Variants in ERBB4 observed in about 807,000 individuals in gnomAD.
ERBB4 encodes receptor tyrosine-protein kinase erbB-4.
A neutral mutation model predicts 158.0 loss-of-function variants in ERBB4; 42 were observed. The observed-to-expected ratio is 0.27, with a 90% CI of 0.21 to 0.34. The LOEUF (loss-of-function observed/expected upper bound fraction) is 0.34, where lower values mean the gene tolerates loss of function less well. Ranked by LOEUF, ERBB4 falls within the 10% of genes least tolerant of loss-of-function variation. The pLI, the probability that ERBB4 is intolerant of heterozygous loss-of-function variation, is 1.00. For missense variants in ERBB4, 1,333 were observed against 1,624.1 expected (o/e 0.82, Z 3.08); for synonymous variants, 583 against 558.7 (o/e 1.04, Z -0.61).
At chr2:212,376,929 A>G (rs1359515089) in intron 1 of ERBB4, among the ~76,000 whole-genome samples, 2 of 151,950 alleles carry the variant, frequency 1.3e-5, no homozygotes, top group Non-Finnish European at 1.5e-5. Context: ...ATTTTATTTC[A>G]TCTGTCTTTA....
chr2:212,378,331 G>C (rs904864928), intron 1 of ERBB4, among the ~76,000 whole-genome samples: 5 of 151,794 alleles, frequency 3.3e-5, no homozygotes, highest in African/African-American at 1.2e-4. Context: ...AATGTTCTTT[G>C]TCCAAGTTGA....
chr2:211,595,195 G>T (rs566815888), intron 19 of ERBB4, among the ~76,000 whole-genome samples: 1 of 152,272 alleles, frequency 6.6e-6, no homozygotes, highest in South Asian at 2.1e-4. Context: ...ATCTTAAAAC[G>T]ATAGGCATTA....
At chr2:212,151,036 A>G (rs2080850824) in intron 1 of ERBB4, among the ~76,000 whole-genome samples, 1 of 152,102 alleles carries the variant, frequency 6.6e-6, no homozygotes, top group Non-Finnish European at 1.5e-5. Flanking sequence ...AATCAAGTCT[A>G]TGTTAAATAC....
chr2:212,130,637 TA>T lies in ERBB4; in HGVS notation c.83-5735del, dbSNP rs775523450. ...CTTACAAAGAAAAGATGATGGGAAT[TA>T]AAAAAAGAGAATTACCTAACTCTCA... On this transcript the variant is annotated intron_variant, in intron 1 of 27. Coordinates refer to ENST00000342788, the MANE Select transcript of ERBB4 (RefSeq NM_005235.3). Among the ~76,000 whole-genome samples, 11 of 152,120 alleles carry T rather than the reference TA, an allele frequency of 7.2e-5. No homozygotes were observed. The East Asian group carries it at 1.9e-3, about 27-fold the overall frequency.
intron 1 of ERBB4, among the ~76,000 whole-genome samples, chr2:212,368,495 G>C (rs1424463236): frequency 6.6e-6 from 1 of 151,878 alleles, no homozygotes; most frequent in Non-Finnish European, 1.5e-5. Context: ...TTGGGTGATG[G>C]GTGCAACGAA....
chr2:211,841,449 T>C (rs1429674626), intron 3 of ERBB4, among the ~76,000 whole-genome samples: 1 of 152,096 alleles, frequency 6.6e-6, no homozygotes, highest in African/African-American at 2.4e-5. Flanking sequence ...AGCAAAATGA[T>C]ACCATGACAC....
intron 4 of ERBB4, among the ~76,000 whole-genome samples, chr2:211,753,742 T>C (rs1185791308): frequency 6.8e-6 from 1 of 147,830 alleles, no homozygotes; most frequent in Non-Finnish European, 1.5e-5. Context: ...TGTTTATATA[T>C]ATATATTTAA....
At position 211,919,656 on chromosome 2, in the gene ERBB4, T is replaced by C. The variant is rs547154959; in HGVS notation, c.421+27774A>G. Among the ~76,000 whole-genome samples, 30 of 152,130 alleles carry C rather than the reference T, an allele frequency of 2.0e-4. No homozygotes were observed. The East Asian group carries it at 5.8e-3, about 29-fold the overall frequency. On this transcript the variant is annotated intron_variant, in intron 3 of 27. Transcript: ENST00000342788. Reference sequence around the variant, plus strand: ...CAGGCAGGATTAGCACATTTTTATATTTGTAACCCAAAACATTTAGTTTTT... The same window carrying C: ...CAGGCAGGATTAGCACATTTTTATACTTGTAACCCAAAACATTTAGTTTTT...
In ERBB4 at chr2:212,431,249, T is replaced by C. The variant is rs187543222; in HGVS notation, c.82+107200A>G. On this transcript the variant is annotated intron_variant, in intron 1 of 27. Transcript: ENST00000342788. ...ATTCTCATCTAAACAGCTCCTTTCA[T>C]GGTCTTCTTCATCTCATCTCAGTTG... is the stretch of plus-strand genomic sequence containing the variant. Among the ~76,000 whole-genome samples the C allele has an allele frequency of 1.4e-4, 21 of 147,578 alleles. No individual in the cohort carries two copies. The Admixed American group carries it at 1.4e-3, about 10-fold the overall frequency.
chr2:211,996,449 ATAAGAAGTTACC>A (rs1238285941), intron 2 of ERBB4, among the ~76,000 whole-genome samples: 2 of 152,162 alleles, frequency 1.3e-5, no homozygotes, highest in African/African-American at 4.8e-5. Flanking sequence ...AGTATTTATA[ATAAGAAGTTACC>A]TTTTTTGCTG....
intron 1 of ERBB4, among the ~76,000 whole-genome samples, chr2:212,309,137 T>C (rs2086924139): frequency 6.6e-6 from 1 of 150,870 alleles, no homozygotes; most frequent in Non-Finnish European, 1.5e-5. Context: ...ACAATGACAG[T>C]TTATGAAGAA....
At chr2:212,528,205 G>T (rs1409950916) in intron 1 of ERBB4, among the ~76,000 whole-genome samples, 2 of 152,036 alleles carry the variant, frequency 1.3e-5, no homozygotes, top group African/African-American at 4.8e-5. Context: ...CTAAGATCTG[G>T]CATGCTAAGC....
intron 1 of ERBB4, among the ~76,000 whole-genome samples, chr2:212,513,598 G>C (rs960893791): frequency 2.6e-5 from 4 of 152,132 alleles, no homozygotes; most frequent in African/African-American, 9.7e-5. Flanking sequence ...GGATCAAGAG[G>C]TCAGGAGATC....
intron 2 of ERBB4, among the ~76,000 whole-genome samples, chr2:212,060,896 G>A (rs991021800): frequency 1.9e-4 from 29 of 150,210 alleles, no homozygotes; most frequent in African/African-American, 6.6e-4. Flanking sequence ...CCAACATGGC[G>A]CCTGTATACA....
At chr2:211,489,582 A>G (rs909678481) in intron 20 of ERBB4, among the ~76,000 whole-genome samples, 4 of 152,030 alleles carry the variant, frequency 2.6e-5, no homozygotes, top group African/African-American at 9.7e-5. Context: ...CAAGCAATTT[A>G]TCATTATATA....
chr2:211,997,875 A>G (rs2082236570), intron 2 of ERBB4, among the ~76,000 whole-genome samples: 1 of 141,682 alleles, frequency 7.1e-6, no homozygotes, highest in African/African-American at 2.6e-5. Flanking sequence ...CATATAGCCT[A>G]TCAATCATGA....
At chr2:211,859,191 CTTAG>C (rs1378649615) in intron 3 of ERBB4, among the ~76,000 whole-genome samples, 3 of 152,174 alleles carry the variant, frequency 2.0e-5, no homozygotes, top group Non-Finnish European at 4.4e-5. Context: ...TGTAAATGAA[CTTAG>C]TTATTCAGCA....
rs138628603 is a variant in ERBB4 at position 212,202,975 on chromosome 2, T to A, written c.83-78072A>T. 8.0e-3 allele frequency among the ~76,000 whole-genome samples: 1,214 copies of A among 151,706 alleles called. 12 individuals carry two copies. The highest frequency in any genetic ancestry group is 0.027 in the African/African-American group (1,125 of 41,480). ...AATAATACTATACATTTATGTAATA[T>A]ATGTTATATAACTTATTTTATTTAC... On this transcript the variant is annotated intron_variant, in intron 1 of 27. Transcript: ENST00000342788.
intron 1 of ERBB4, among the ~76,000 whole-genome samples, chr2:212,425,015 C>T (rs2091876163): frequency 6.6e-6 from 1 of 151,768 alleles, no homozygotes; most frequent in Non-Finnish European, 1.5e-5. Context: ...AAGTACTGCA[C>T]AGAAATATGA....
Sources: gnomAD v4.1 joint callset for allele counts (sites outside exome capture counted in the v4.1 genomes callset) on GRCh38, gnomAD v4.1.1 for gene constraint, MANE v1.5 for transcripts, NCBI Gene and HGNC (gene_info 2026-07-23, HGNC 2026-07-21) for gene names.